PAPPA2: variants seen among roughly 807,000 people sequenced by gnomAD.
PAPPA2 encodes pappalysin 2.
Under a neutral mutation model 176.4 loss-of-function variants are expected in PAPPA2, and 86 were observed. The ratio of observed to expected loss-of-function variants is 0.49; its 90% CI spans 0.41 to 0.58. The LOEUF (loss-of-function observed/expected upper bound fraction) is 0.58, where lower values mean the gene tolerates loss of function less well. PAPPA2 is among the 20% of genes least tolerant of loss of function. The pLI is 0.00. For synonymous variants in PAPPA2, 809 were observed against 852.2 expected (o/e 0.95, Z 0.88); for missense variants, 2,073 against 2,256.9 (o/e 0.92, Z 1.65).
intron 3 of PAPPA2, among the ~76,000 whole-genome samples, chr1:176,612,196 C>T (rs1195639677): frequency 6.6e-6 from 1 of 152,162 alleles, no homozygotes; most frequent in African/African-American, 2.4e-5. Context: ...GCGTTTGAGA[C>T]CAGCCTGGCC....
chr1:176,690,111 A>C (rs201299386), intron 4 of PAPPA2, 26 bp from the exon 5 acceptor site: 7 of 1,572,042 alleles, frequency 4.5e-6, no homozygotes, highest in African/African-American at 2.7e-5. Context: ...TGTGCTCTGA[A>C]AGGCTTTTCA....
Position 176,686,322 on chromosome 1 carries a change from GC to G in PAPPA2, c.2138-3813del, listed in dbSNP as rs948888232. On this transcript the variant is annotated intron_variant, in intron 4 of 22. Transcript: ENST00000367662. ...CAGTGGGGCAGGAAAGAAAATGAGT[GC>G]CAGTATGGGAAATGCCAGACACTTA... Among the ~76,000 whole-genome samples the G allele has an allele frequency of 2.0e-5, 3 of 152,246 alleles. No homozygotes were observed. The East Asian group carries it at 5.8e-4, about 29-fold the overall frequency.
At chr1:176,560,074 A>G (rs568693699) in intron 2 of PAPPA2, among the ~76,000 whole-genome samples, 2 of 152,274 alleles carry the variant, frequency 1.3e-5, no homozygotes, top group East Asian at 3.9e-4. Flanking sequence ...TTCTTGGAGG[A>G]CTGTCCTGCC....
At chr1:176,772,050 A>G (rs1034206494) in intron 17 of PAPPA2, among the ~76,000 whole-genome samples, 10 of 152,134 alleles carry the variant, frequency 6.6e-5, no homozygotes, top group African/African-American at 1.7e-4. Context: ...TCAATATCCA[A>G]CTCAAGGTTA....
intron 2 of PAPPA2, among the ~76,000 whole-genome samples, chr1:176,581,852 T>C (rs1652985491): frequency 6.6e-6 from 1 of 151,672 alleles, no homozygotes; most frequent in Admixed American, 6.6e-5. Context: ...GAGTTTTTTT[T>C]TAAATTTTTG....
chr1:176,793,647 G>A lies in PAPPA2; in HGVS notation c.5108G>A (p.Trp1703Ter). 6.2e-7 allele frequency: 1 copy of A among 1,610,266 alleles called. No homozygotes were observed. Among genetic ancestry groups the A allele is most frequent in the Non-Finnish European group, 8.5e-7 (1 of 1,177,618 alleles). The change falls in exon 20 of 23, where the codon TGG (tryptophan) becomes TAG (stop). Residue 1703 changes from tryptophan to a stop codon, truncating the protein, a stop_gained. Transcript: ENST00000367662. LOFTEE classifies it high-confidence loss of function. ...ATCACTGCTGACACTCTGGAGCACT[G>A]GATGGAACCTGTCAAAGTCCAGGTG... ...ENITADTLEH[W>*]MEPVKVQSIV...
At position 176,838,533 on chromosome 1, in the gene PAPPA2, C is replaced by T. The variant is rs1419398018; in HGVS notation, c.5203-1640C>T. Among the ~76,000 whole-genome samples the T allele has an allele frequency of 2.6e-5, 4 of 152,122 alleles. No individual in the cohort carries two copies. In the East Asian group the frequency reaches 5.8e-4, roughly 22 times the overall value. ...GAAAAATGAAACTCTGGGGAAACTC[C>T]GTAGATGTATCCAGTCATCCTGCAA... is the stretch of plus-strand genomic sequence containing the variant. On this transcript the variant is annotated intron_variant, in intron 21 of 22. Coordinates refer to ENST00000367662, the MANE Select transcript of PAPPA2 (RefSeq NM_020318.3).
intron 3 of PAPPA2, among the ~76,000 whole-genome samples, chr1:176,648,698 C>A (rs1657547424): frequency 6.6e-6 from 1 of 151,198 alleles, no homozygotes. Flanking sequence ...AATCATATGG[C>A]TTTTGTTCTT....
chr1:176,794,793 GAGAT>G (rs75071903), intron 20 of PAPPA2, among the ~76,000 whole-genome samples: 62,786 of 152,056 alleles, frequency 0.41, 14,399 homozygotes, highest in African/African-American at 0.6. Context: ...CTGGATGTGA[GAGAT>G]GTAAGGGTTT....
intron 21 of PAPPA2, among the ~76,000 whole-genome samples, chr1:176,820,630 C>A (rs1417027993): frequency 2.0e-5 from 3 of 152,168 alleles, no homozygotes; most frequent in Non-Finnish European, 4.4e-5. Context: ...TGCTAAACTC[C>A]TGGCAACAGC....
chr1:176,658,600 G>A (rs1223439867), intron 3 of PAPPA2, among the ~76,000 whole-genome samples: 2 of 151,932 alleles, frequency 1.3e-5, no homozygotes, highest in Admixed American at 1.3e-4. Flanking sequence ...TAGAAAAGAG[G>A]CCTTGAATGT....
At chr1:176,484,137 C>G (rs969926899) in intron 1 of PAPPA2, among the ~76,000 whole-genome samples, 1 of 152,184 alleles carries the variant, frequency 6.6e-6, no homozygotes, top group Non-Finnish European at 1.5e-5. Context: ...TGCTTTGGCA[C>G]TTTTGTCTCA....
chr1:176,515,919 G>C (rs942138003), intron 1 of PAPPA2, among the ~76,000 whole-genome samples: 8 of 152,168 alleles, frequency 5.3e-5, no homozygotes, highest in African/African-American at 1.9e-4. Context: ...GGCACTTGAA[G>C]ACTCTCATTT....
intron 12 of PAPPA2, among the ~76,000 whole-genome samples, chr1:176,726,648 A>C (rs1409847217): frequency 6.6e-6 from 1 of 152,226 alleles, no homozygotes; most frequent in Non-Finnish European, 1.5e-5. Context: ...AGCCTTTTAA[A>C]AGATGGGCTG....
intron 1 of PAPPA2, among the ~76,000 whole-genome samples, chr1:176,550,980 G>T (rs985859144): frequency 1.3e-5 from 2 of 152,230 alleles, no homozygotes; most frequent in African/African-American, 4.8e-5. Flanking sequence ...GACAGGTGAA[G>T]ACAGTGCGTA....
Position 176,775,524 on chromosome 1 carries a change from G to A in PAPPA2, c.4715+4344G>A, listed in dbSNP as rs75380254. ...TTCAACAGACATTTATGCCTGATTA[G>A]TACCACTCTATGCAAGTTAATGGTA... On this transcript the variant is annotated intron_variant, in intron 17 of 22. Coordinates refer to ENST00000367662, the MANE Select transcript of PAPPA2 (RefSeq NM_020318.3). Among the ~76,000 whole-genome samples the A allele has an allele frequency of 2.6e-4, 39 of 152,230 alleles. No individual in the cohort carries two copies. The East Asian group carries it at 6.6e-3, about 26-fold the overall frequency.
intron 6 of PAPPA2, among the ~76,000 whole-genome samples, chr1:176,693,584 G>T (rs867636276): frequency 6.6e-6 from 1 of 152,228 alleles, no homozygotes; most frequent in African/African-American, 2.4e-5. Context: ...GAGAGAGACA[G>T]GGATAGGAGG....
intron 3 of PAPPA2, among the ~76,000 whole-genome samples, chr1:176,598,733 T>C (rs1654119166): frequency 6.6e-6 from 1 of 152,138 alleles, no homozygotes; most frequent in Non-Finnish European, 1.5e-5. Flanking sequence ...TAAAAAAATG[T>C]TTTTTACACT....
intron 1 of PAPPA2, among the ~76,000 whole-genome samples, chr1:176,539,369 C>G (rs1650247806): frequency 6.6e-6 from 1 of 152,218 alleles, no homozygotes; most frequent in Admixed American, 6.5e-5. Context: ...CCTGATCCAG[C>G]AGGAGCCACA....
Sources: gnomAD v4.1 joint callset for allele counts (sites outside exome capture counted in the v4.1 genomes callset) on GRCh38, gnomAD v4.1.1 for gene constraint, MANE v1.5 for transcripts, NCBI Gene and HGNC (gene_info 2026-07-23, HGNC 2026-07-21) for gene names.